The following SLC35C1 variants were observed in gnomAD, a reference collection of about 807,000 sequenced individuals.
SLC35C1 encodes the protein GDP-fucose transporter 1.
A neutral mutation model predicts 23.2 loss-of-function variants in SLC35C1; 8 were observed. That is an observed-to-expected ratio of 0.35 (90% CI 0.20 to 0.62). SLC35C1 has a LOEUF of 0.62. Among genes scored for constraint, SLC35C1 ranks in the 20% least tolerant of loss-of-function variants. The probability of loss-of-function intolerance (pLI) is 0.75; values close to 1 mark genes in which losing one functional copy is unlikely to be tolerated. For missense variants in SLC35C1, 422 were observed against 478.6 expected (o/e 0.88, Z 1.10); for synonymous variants, 226 against 225.1 (o/e 1.00, Z -0.04).
rs1272910499 is a variant in SLC35C1, at chr11:45,812,746, A to G, written c.*1411A>G. ...TGTGAATTTGCAGGGGGAGTGGGGGACACACACAAATTTCGGGGCCATACC... is the reference window on the plus strand; with the variant it reads ...TGTGAATTTGCAGGGGGAGTGGGGGGCACACACAAATTTCGGGGCCATACC... On this transcript the variant is annotated 3_prime_UTR_variant, in exon 2 of 2. Coordinates refer to ENST00000314134, the MANE Select transcript of SLC35C1 (RefSeq NM_018389.5). 2 of 442,254 alleles carry G rather than the reference A, an allele frequency of 4.5e-6. No homozygotes were observed. Among genetic ancestry groups the G allele is most frequent in the Non-Finnish European group, 9.2e-6 (2 of 218,150 alleles). The allele number at this position is 442,254 out of a possible 1,614,324, so 27.4% of individuals were successfully genotyped here.
chr11:45,804,613 A>G (rs994309326), upstream of SLC35C1: 8 of 985,608 alleles, frequency 8.1e-6, no homozygotes, highest in Non-Finnish European at 9.6e-6. Flanking sequence ...AGTCCGAGAG[A>G]GGCGGCGTGG....
intron 1 of SLC35C1, among the ~76,000 whole-genome samples, chr11:45,807,470 CCCA>C (rs2085889723): frequency 6.6e-6 from 1 of 152,190 alleles, no homozygotes; most frequent in Non-Finnish European, 1.5e-5. Flanking sequence ...CCTCCAGCAT[CCCA>C]TTCCCTCCGA....
upstream of SLC35C1, chr11:45,804,425 G>A: frequency 1.1e-6 from 1 of 945,856 alleles, no homozygotes; most frequent in Non-Finnish European, 1.3e-6. Context: ...GAGGAGGTGA[G>A]CGCCAGGTCG....
chr11:45,810,472 T>C, intron 1 of SLC35C1: 1 of 985,354 alleles, frequency 1.0e-6, no homozygotes, highest in Non-Finnish European at 1.2e-6. Flanking sequence ...ATGGACCTCA[T>C]TACAATTCTT....
rs900102230 is a variant in SLC35C1, at chr11:45,806,156, C to T, written c.355C>T (p.Pro119Ser). 2.5e-6 allele frequency: 4 copies of T among 1,606,614 alleles called. No individual in the cohort carries two copies. Among genetic ancestry groups the T allele is most frequent in the East Asian group, 2.2e-5 (1 of 44,876 alleles). ...LDLRVARSVL[P>S]LSVVFIGMIT... ...CCTCAGGGTGGCCCGCAGCGTCCTG[C>T]CCCTGTCGGTGGTCTTCATCGGCAT... The change falls in exon 1 of 2, where the codon CCC becomes TCC. Residue 119 changes from proline (P) to serine (S), a missense_variant. By Grantham distance (74) the Pro-to-Ser change is moderately conservative. Transcript: ENST00000314134.
In SLC35C1 at chr11:45,812,623, G is replaced by A. The variant is rs1407250416; in HGVS notation, c.*1288G>A. On this transcript the variant is annotated 3_prime_UTR_variant, in exon 2 of 2. Coordinates refer to ENST00000314134, the MANE Select transcript of SLC35C1 (RefSeq NM_018389.5). Reference sequence around the variant, plus strand: ...AAGCTCCTTCCTGCCTCTTTTATAAGGACTCCAACCCTGTTCATGAGGGTT... The same window carrying A: ...AAGCTCCTTCCTGCCTCTTTTATAAAGACTCCAACCCTGTTCATGAGGGTT... 1.1e-5 allele frequency: 5 copies of A among 455,852 alleles called. No homozygotes were observed. The highest frequency in any genetic ancestry group is 7.1e-5 in the Admixed American group (3 of 42,544). The allele number at this position is 455,852 out of a possible 1,614,324, so 28.2% of individuals were successfully genotyped here.
chr11:45,805,508 C>G lies in SLC35C1; in HGVS notation c.-294C>G. The G allele has an allele frequency of 1.5e-6, 2 of 1,332,338 alleles. No homozygotes were observed. Among genetic ancestry groups the G allele is most frequent in the Non-Finnish European group, 1.9e-6 (2 of 1,034,858 alleles). The allele number at this position is 1,332,338 out of a possible 1,614,324, so 82.5% of individuals were successfully genotyped here. On this transcript the variant is annotated 5_prime_UTR_variant, in exon 1 of 2. Transcript: ENST00000314134. ...TCCCTGTTAGGCCCCAGCCTCTTCT[C>G]CCCTCACAGGTCTTCTCTGTCCTGG... is the stretch of plus-strand genomic sequence containing the variant.
In SLC35C1 at chr11:45,810,861, C is replaced by T; in HGVS notation, c.621C>T (p.Leu207=). The T allele has an allele frequency of 6.2e-7, 1 of 1,611,534 alleles. No homozygotes were observed. Among genetic ancestry groups the T allele is most frequent in the Non-Finnish European group, 8.5e-7 (1 of 1,179,784 alleles). The change falls in exon 2 of 2, where the codon CTC becomes CTT. Residue 207 remains leucine (L), a synonymous_variant. Coordinates refer to ENST00000314134, the MANE Select transcript of SLC35C1 (RefSeq NM_018389.5). The part of the protein sequence containing the change: ...LGTVFGVLAS[L]CVSLNAIYTT... ...CCGTCTTCGGCGTGCTGGCTAGCCT[C>T]TGTGTCTCGCTCAACGCCATCTACA...
intron 1 of SLC35C1, 160 bp from the exon 2 acceptor site, chr11:45,810,616 T>C: frequency 5.1e-6 from 5 of 985,340 alleles, no homozygotes; most frequent in Non-Finnish European, 6.0e-6. Flanking sequence ...TTGCCTGCAG[T>C]GGAGACTCTG....
In SLC35C1 at chr11:45,805,211, G is replaced by C; in HGVS notation, c.-591G>C. 1.0e-6 allele frequency: 1 copy of C among 991,802 alleles called. No individual in the cohort carries two copies. The allele number at this position is 991,802 out of a possible 1,614,324, so 61.4% of individuals were successfully genotyped here. Reference sequence around the variant, plus strand: ...AGAGCCCGGGAAGGCAGCGAGACGTGGGCGCCGGCCCAGCCCCCTCCCGCG... The same window carrying C: ...AGAGCCCGGGAAGGCAGCGAGACGTCGGCGCCGGCCCAGCCCCCTCCCGCG... On this transcript the variant is annotated 5_prime_UTR_variant, in exon 1 of 2. Coordinates refer to ENST00000314134, the MANE Select transcript of SLC35C1 (RefSeq NM_018389.5).
chr11:45,804,895 C>A (rs2085850096), upstream of SLC35C1: 1 of 985,684 alleles, frequency 1.0e-6, no homozygotes, highest in Non-Finnish European at 1.2e-6. Context: ...GCGGACGGAG[C>A]TGAGGGTGGG....
upstream of SLC35C1, chr11:45,804,972 C>T (rs981198541): frequency 1.1e-5 from 11 of 985,702 alleles, no homozygotes; most frequent in Non-Finnish European, 1.1e-5. Context: ...AAACCTGTGG[C>T]TGCCGAGGTC....
Position 45,806,272 on chromosome 11 carries a change from C to G in SLC35C1, c.471C>G (p.Leu157=). 1.9e-6 allele frequency: 3 copies of G among 1,611,852 alleles called. No individual in the cohort carries two copies. The highest frequency in any genetic ancestry group is 2.5e-6 in the Non-Finnish European group (3 of 1,180,002). Residue 157 remains leucine (L), a synonymous_variant, in exon 1 of 2, where the codon CTC becomes CTG. Coordinates refer to ENST00000314134, the MANE Select transcript of SLC35C1 (RefSeq NM_018389.5). The part of the protein sequence containing the change: ...RSLTTVFNVL[L]SYLLLKQTTS... ...TCACCACCGTCTTCAACGTGCTGCTCTCCTACCTGCTGCTCAAGCAGACCA... is the reference window on the plus strand; with the variant it reads ...TCACCACCGTCTTCAACGTGCTGCTGTCCTACCTGCTGCTCAAGCAGACCA...
intron 1 of SLC35C1, among the ~76,000 whole-genome samples, chr11:45,808,167 C>T (rs2085897157): frequency 6.6e-6 from 1 of 152,160 alleles, no homozygotes; most frequent in South Asian, 2.1e-4. Flanking sequence ...CTATTCTAGG[C>T]CTCCCCTCCT....
In SLC35C1 at chr11:45,806,830, G is replaced by A. The variant is rs911687167; in HGVS notation, c.535+494G>A. 1.2e-5 allele frequency: 11 copies of A among 899,478 alleles called. No homozygotes were observed. In the African/African-American group the frequency reaches 2.0e-4, roughly 16 times the overall value. 55.7% of individuals were successfully genotyped at this position (899,478 alleles called of 1,614,324 possible). A position where few individuals can be genotyped will look rare whatever the true frequency, so the allele number is the denominator to read the frequency against. On this transcript the variant is annotated intron_variant, in intron 1 of 1. Coordinates refer to ENST00000314134, the MANE Select transcript of SLC35C1 (RefSeq NM_018389.5). Reference sequence around the variant, plus strand: ...ACTTTATTGTTTCTCAAGAGCTCAGGTGTCCTGATTTCCCAGCCAGTGCTC... The same window carrying A: ...ACTTTATTGTTTCTCAAGAGCTCAGATGTCCTGATTTCCCAGCCAGTGCTC...
In SLC35C1 at chr11:45,805,363, T is replaced by C. The variant is rs555128038; in HGVS notation, c.-439T>C. 3.4e-6 allele frequency: 2 copies of C among 594,618 alleles called. No homozygotes were observed. Among genetic ancestry groups the C allele is most frequent in the Non-Finnish European group, 3.9e-6 (2 of 507,560 alleles). The allele number at this position is 594,618 out of a possible 1,614,324, so 36.8% of individuals were successfully genotyped here. ...CGCCCCTCCCTCCCACAGCCGCCCA[T>C]GACGCCCTCTCGGCACCTCTTCCCA... On this transcript the variant is annotated 5_prime_UTR_variant, in exon 1 of 2. An upstream start codon of the reference 5' UTR is lost. Transcript: ENST00000314134.
rs1423368603 is a variant in SLC35C1, at chr11:45,811,883, G to A, written c.*548G>A. The A allele has an allele frequency of 1.9e-5, 3 of 154,084 alleles. No homozygotes were observed. The highest frequency in any genetic ancestry group is 4.8e-5 in the African/African-American group (2 of 41,460). The allele number at this position is 154,084 out of a possible 1,614,324, so 9.5% of individuals were successfully genotyped here. A position where few individuals can be genotyped will look rare whatever the true frequency, so the allele number is the denominator to read the frequency against. ...GCCTGGACTGAGGGAGGAAATGAGC[G>A]AGTTCCCTCTGACACCAGCAGATCC... On this transcript the variant is annotated 3_prime_UTR_variant, in exon 2 of 2. Coordinates refer to ENST00000314134, the MANE Select transcript of SLC35C1 (RefSeq NM_018389.5).
chr11:45,811,185 C>G lies in SLC35C1; in HGVS notation c.945C>G (p.Tyr315Ter), dbSNP rs774226494. The G allele has an allele frequency of 6.2e-7, 1 of 1,612,030 alleles. No individual in the cohort carries two copies. Among genetic ancestry groups the G allele is most frequent in the South Asian group, 1.1e-5 (1 of 91,086 alleles). Residue 315 changes from tyrosine (Y) to a stop codon, truncating the protein, a stop_gained, in exon 2 of 2, where the codon TAC becomes TAG. Transcript: ENST00000314134. LOFTEE classifies it high-confidence loss of function. ...AGACAGTGCTGGCCGTGCTCTACTA[C>G]GAGGAGACCAAGAGCTTCCTCTGGT... is the stretch of plus-strand genomic sequence containing the variant. ...CAQTVLAVLY[Y>*]EETKSFLWWT...
intron 1 of SLC35C1, among the ~76,000 whole-genome samples, chr11:45,807,558 G>GT (rs1227699611): frequency 6.6e-6 from 1 of 152,146 alleles, no homozygotes; most frequent in African/African-American, 2.4e-5. Flanking sequence ...GTGCTATAAA[G>GT]TTTATCTTAT....
Sources: allele counts gnomAD v4.1 joint callset (sites outside exome capture counted in the v4.1 genomes callset), GRCh38; gene constraint gnomAD v4.1.1; transcripts MANE v1.5; gene names NCBI Gene and HGNC (gene_info 2026-07-23, HGNC 2026-07-21).